Variants in FRYL observed in about 807,000 individuals in gnomAD.
FRYL encodes FRY like transcription coactivator, also known as protein furry homolog-like.
FRYL carries 150 observed loss-of-function variants against 351.2 expected under a neutral mutation model. The observed-to-expected ratio is 0.43, with a 90% confidence interval of 0.37 to 0.49. FRYL has a LOEUF of 0.49. FRYL is among the 20% of genes least tolerant of loss of function. The probability of loss-of-function intolerance (pLI) is 0.00; values close to 1 mark genes in which losing one functional copy is unlikely to be tolerated. For missense variants in FRYL, 3,036 were observed against 3,619.3 expected, an observed-to-expected ratio of 0.84 and a Z score of 4.13; for synonymous variants, 1,153 against 1,257.1, an observed-to-expected ratio of 0.92 and a Z score of 1.75.
At chr4:48,527,797 G>C in intron 52 of FRYL, 144 bp from the exon 53 acceptor site, 1 of 987,904 alleles carries the variant, frequency 1.0e-6, no homozygotes, top group Non-Finnish European at 1.5e-6. Flanking sequence ...TTAACTAGTT[G>C]AACACATAGT....
At chr4:48,651,575 T>C (rs1757718192) in intron 3 of FRYL, among the ~76,000 whole-genome samples, 2 of 152,078 alleles carry the variant, frequency 1.3e-5, no homozygotes, top group Admixed American at 6.6e-5. Flanking sequence ...TTGACTTCCT[T>C]ACTACAACTT....
intron 1 of FRYL, among the ~76,000 whole-genome samples, chr4:48,712,818 G>A (rs542116114): frequency 6.6e-6 from 1 of 152,222 alleles, no homozygotes; most frequent in East Asian, 1.9e-4. Context: ...AATGTTAAGG[G>A]CAGCCAGAGA....
intron 56 of FRYL, 125 bp downstream of exon 56, chr4:48,514,903 T>G (rs886676905): frequency 3.5e-5 from 28 of 807,644 alleles, no homozygotes; most frequent in Non-Finnish European, 5.0e-5. Context: ...ACACACAAAG[T>G]ATGATTACAG....
chr4:48,513,413 A>T (rs1040448283), intron 56 of FRYL, among the ~76,000 whole-genome samples: 16 of 152,226 alleles, frequency 1.1e-4, no homozygotes, highest in African/African-American at 3.9e-4. Context: ...ATAATTTATA[A>T]TCCCTAAAGT....
chr4:48,738,566 T>C (rs1373254790), intron 1 of FRYL, among the ~76,000 whole-genome samples: 1 of 152,080 alleles, frequency 6.6e-6, no homozygotes, highest in Non-Finnish European at 1.5e-5. Context: ...GGTGCAATCA[T>C]TACTCACTGT....
Position 48,501,656 on chromosome 4 carries a change from G to T in FRYL, c.8559C>A (p.Ile2853=). 1 of 1,606,762 alleles carries T rather than the reference G, an allele frequency of 6.2e-7. No homozygotes were observed. Among genetic ancestry groups the T allele is most frequent in the Non-Finnish European group, 8.5e-7 (1 of 1,173,768 alleles). Residue 2853 remains isoleucine, a synonymous_variant, in exon 62 of 64, where the codon ATC becomes ATA. Coordinates refer to ENST00000358350, the MANE Select transcript of FRYL (RefSeq NM_015030.2). ...CATTTTTTATCGTATTTACTTGGTT[G>T]ATAAGTTTACAGTAGGCCTGGAACA... ...LLLFQAYCKL[I]NQVNTIKNEA...
chr4:48,646,714 G>A (rs533656722), intron 3 of FRYL, among the ~76,000 whole-genome samples: 4 of 152,314 alleles, frequency 2.6e-5, no homozygotes, highest in Admixed American at 2.0e-4. Context: ...CAAGACAGCT[G>A]TCAGGTATCA....
At chr4:48,535,580 T>TAC (rs1242840175) in intron 48 of FRYL, 77 bp downstream of exon 48, 9 of 534,314 alleles carry the variant, frequency 1.7e-5, no homozygotes, top group South Asian at 1.5e-4. Context: ...TGTATATATA[T>TAC]ACACATACAC....
chr4:48,560,693 AGGCATTGCT>A (rs1235659345), intron 33 of FRYL, among the ~76,000 whole-genome samples: 2 of 152,174 alleles, frequency 1.3e-5, no homozygotes, highest in East Asian at 3.8e-4. Context: ...AAAAAGGAAG[AGGCATTGCT>A]ACCAACTACC....
At chr4:48,652,831 C>A (rs867319682) in intron 3 of FRYL, among the ~76,000 whole-genome samples, 2 of 152,166 alleles carry the variant, frequency 1.3e-5, no homozygotes, top group African/African-American at 4.8e-5. Flanking sequence ...TAGGCACCAG[C>A]AGCACAGTTG....
intron 26 of FRYL, among the ~76,000 whole-genome samples, chr4:48,572,418 T>A (rs187959522): frequency 3.5e-4 from 53 of 152,342 alleles, no homozygotes; most frequent in African/African-American, 1.2e-3. Flanking sequence ...CCCCATAATA[T>A]AACTACACAG....
intron 3 of FRYL, among the ~76,000 whole-genome samples, chr4:48,658,701 C>T (rs1759783454): frequency 6.6e-6 from 1 of 151,692 alleles, no homozygotes; most frequent in Admixed American, 6.6e-5. Context: ...CCGCAGTGAG[C>T]CATGAATGCG....
chr4:48,646,137 T>C (rs1756414840), intron 3 of FRYL: 1 of 152,218 alleles, frequency 6.6e-6, no homozygotes, highest in Non-Finnish European at 1.5e-5. Context: ...CGTTACTATA[T>C]TGCATGATAA....
intron 1 of FRYL, among the ~76,000 whole-genome samples, chr4:48,731,799 A>C (rs1770759095): frequency 6.6e-6 from 1 of 152,212 alleles, no homozygotes; most frequent in African/African-American, 2.4e-5. Context: ...TGGATCAAAG[A>C]CTTAAACATA....
Position 48,567,595 on chromosome 4 carries a change from T to C in FRYL, c.2997-175A>G, listed in dbSNP as rs1425891018. Among the ~76,000 whole-genome samples, 1 of 152,218 alleles carries C rather than the reference T, an allele frequency of 6.6e-6. No individual in the cohort carries two copies. The highest frequency in any genetic ancestry group is 1.5e-5 in the Non-Finnish European group (1 of 68,030). ...GATTTTGCTTACTTTAATATGAAAA[T>C]AGATGGTGCTTCTTAATCTAGGAAC... On this transcript the variant is annotated intron_variant, in intron 27 of 63. Coordinates refer to ENST00000358350, the MANE Select transcript of FRYL (RefSeq NM_015030.2). This position sits in a 1 kb window ranked among gnomAD's most constrained non-coding sequence, Gnocchi z 4.2.
Position 48,678,486 on chromosome 4 carries a change from C to T in FRYL, c.-81+6187G>A, listed in dbSNP as rs1230594293. Among the ~76,000 whole-genome samples the T allele has an allele frequency of 3.8e-5, 4 of 104,570 alleles. No individual in the cohort carries two copies. In the East Asian group the frequency reaches 1.2e-3, roughly 30 times the overall value. 68.6% of individuals were successfully genotyped at this position (104,570 alleles called of 152,430 possible). On this transcript the variant is annotated intron_variant, in intron 3 of 63. Coordinates refer to ENST00000358350, the MANE Select transcript of FRYL (RefSeq NM_015030.2). ...ATCGCGCCCCTGCACTCCAGCCTGG[C>T]GACAGAGCAAAACTCCATCTCAAAA... is the stretch of plus-strand genomic sequence containing the variant.
intron 1 of FRYL, among the ~76,000 whole-genome samples, chr4:48,769,145 A>G (rs2109405274): frequency 6.6e-6 from 1 of 152,326 alleles, no homozygotes; most frequent in Middle Eastern, 3.4e-3. Context: ...AAAAAAATAA[A>G]TAACAGACGG....
At chr4:48,544,694 A>G in intron 43 of FRYL, 89 bp downstream of exon 43, 2 of 1,068,952 alleles carry the variant, frequency 1.9e-6, no homozygotes, top group South Asian at 2.0e-5. Flanking sequence ...AGGTATCACA[A>G]TATCAACTAT....
rs202244146 is a variant in FRYL, at chr4:48,761,003, C to CTGTGTGTG, written c.-384+19074_-384+19075insCACACACA. Among the ~76,000 whole-genome samples the CTGTGTGTG allele has an allele frequency of 2.2e-3, 272 of 121,644 alleles. 1 individual carries two copies. The highest frequency in any genetic ancestry group is 0.011 in the East Asian group (45 of 4,218). The allele number at this position is 121,644 out of a possible 152,430, so 79.8% of individuals were successfully genotyped here. Reference sequence around the variant, plus strand: ...ACCCTCGCTACTCTCTATTATTACTCTGTCTGTGTGTGTGTGTGTGTGTGT... The same window carrying CTGTGTGTG: ...ACCCTCGCTACTCTCTATTATTACTCTGTGTGTGTGTCTGTGTGTGTGTGTGTGTGTGT... On this transcript the variant is annotated intron_variant, in intron 1 of 63. Coordinates refer to ENST00000358350, the MANE Select transcript of FRYL (RefSeq NM_015030.2).
Sources: gnomAD v4.1 joint callset for allele counts (sites outside exome capture counted in the v4.1 genomes callset) on GRCh38, gnomAD v4.1.1 for gene constraint, Gnocchi (gnomAD v3.1) non-coding constraint, MANE v1.5 for transcripts, NCBI Gene and HGNC (gene_info 2026-07-23, HGNC 2026-07-21) for gene names.